TGS1: variants seen among roughly 807,000 people sequenced by gnomAD.
The protein encoded by TGS1 is trimethylguanosine synthase 1.
A neutral mutation model predicts 92.2 loss-of-function variants in TGS1; 69 were observed. That is an observed-to-expected ratio of 0.75 (90% confidence interval 0.62 to 0.91). The LOEUF (loss-of-function observed/expected upper bound fraction) is 0.91, where lower values mean the gene tolerates loss of function less well. Among genes scored for constraint, TGS1 ranks in the 40% least tolerant of loss-of-function variants. TGS1 has a pLI of 0.00. For missense variants in TGS1, 1,062 were observed against 1,001.2 expected (o/e 1.06, Z -0.82); for synonymous variants, 345 against 338.1 (o/e 1.02, Z -0.22).
chr8:55,804,058 A>C (rs972378949), intron 9 of TGS1, among the ~76,000 whole-genome samples: 1 of 152,182 alleles, frequency 6.6e-6, no homozygotes, highest in Non-Finnish European at 1.5e-5. Flanking sequence ...CATTTCTGAC[A>C]ATGATGAGGG....
intron 8 of TGS1, among the ~76,000 whole-genome samples, chr8:55,799,580 C>A (rs984142155): frequency 3.3e-5 from 5 of 152,060 alleles, no homozygotes; most frequent in Non-Finnish European, 5.9e-5. Flanking sequence ...TGGTTTACTT[C>A]TTCCTTTTTT....
chr8:55,790,337 G>T, intron 5 of TGS1, 38 bp downstream of exon 5: 1 of 1,386,604 alleles, frequency 7.2e-7, no homozygotes, highest in South Asian at 1.2e-5. Context: ...GAGCGTGTTA[G>T]AGTAAGCATT....
intron 1 of TGS1, among the ~76,000 whole-genome samples, chr8:55,781,286 C>G (rs1384920542): frequency 6.6e-6 from 1 of 152,112 alleles, no homozygotes; most frequent in Non-Finnish European, 1.5e-5. Context: ...CCTGAGGGTT[C>G]TTTCTAGCCT....
chr8:55,784,411 C>T (rs1406989624), intron 2 of TGS1, among the ~76,000 whole-genome samples: 1 of 152,082 alleles, frequency 6.6e-6, no homozygotes, highest in African/African-American at 2.4e-5. Flanking sequence ...GAGTGGTGAT[C>T]GCTTAAGCAT....
In TGS1 at chr8:55,785,346, G is replaced by A. The variant is rs563950745; in HGVS notation, c.167-373G>A. Among the ~76,000 whole-genome samples the A allele has an allele frequency of 3.2e-4, 49 of 152,204 alleles. 2 individuals carry two copies. In the South Asian group the frequency reaches 3.5e-3, roughly 11 times the overall value. ...GCTGGGATTACAGGTGTGAGCCACC[G>A]TGCCCAGCATACCGTCAATTGTTTT... On this transcript the variant is annotated intron_variant, in intron 2 of 12. Coordinates refer to ENST00000260129, the MANE Select transcript of TGS1 (RefSeq NM_024831.8).
chr8:55,790,995 T>G (rs973704961), intron 5 of TGS1, among the ~76,000 whole-genome samples: 3 of 150,836 alleles, frequency 2.0e-5, no homozygotes, highest in Non-Finnish European at 4.4e-5. Context: ...TCTCACCAGT[T>G]CTAATGTTTT....
rs376827151 is a variant in TGS1, at chr8:55,813,110, A to G, written c.2431A>G (p.Ile811Val). 1.2e-6 allele frequency: 2 copies of G among 1,607,486 alleles called. No homozygotes were observed. Among genetic ancestry groups the G allele is most frequent in the East Asian group, 2.2e-5 (1 of 44,716 alleles). The stretch of plus-strand genomic sequence containing the variant: ...TTATTTTCTTCCAAGAAATGCTGAT[A>G]TTGACCAGGTAAGCCATTACTGAAA... ...IVYFLPRNAD[I>V]DQVASLAGPG... The change falls in exon 12 of 13, where the codon ATT becomes GTT. Residue 811 changes from isoleucine to valine, a missense_variant. Transcript: ENST00000260129.
In TGS1 at chr8:55,824,734, G is replaced by C. The variant is rs370744617; in HGVS notation, c.*31G>C. The C allele has an allele frequency of 9.9e-6, 16 of 1,611,618 alleles. No homozygotes were observed. In the African/African-American group the frequency reaches 1.9e-4, roughly 19 times the overall value. ...CAGCAGTGCGAGGACAAAAGATCAT[G>C]GAGTGGTCAAAATATTCAGATGAGA... is the stretch of plus-strand genomic sequence containing the variant. On this transcript the variant is annotated 3_prime_UTR_variant, in exon 13 of 13. Coordinates refer to ENST00000260129, the MANE Select transcript of TGS1 (RefSeq NM_024831.8).
chr8:55,822,652 C>T (rs1803682061), intron 12 of TGS1, among the ~76,000 whole-genome samples: 1 of 150,108 alleles, frequency 6.7e-6, no homozygotes, highest in South Asian at 2.1e-4. Flanking sequence ...TCTGAGACTA[C>T]TTTGCTATTT....
rs144214161 is a variant in TGS1, at chr8:55,777,700, C to T, written c.101+3981C>T. ...GATTACAGGAGTGCACCACCATACC[C>T]GGCTAATTTCTGTATTTTCAGTAGA... On this transcript the variant is annotated intron_variant, in intron 1 of 12. Transcript: ENST00000260129. Among the ~76,000 whole-genome samples, 442 of 151,996 alleles carry T rather than the reference C, an allele frequency of 2.9e-3. 3 individuals carry two copies. Among genetic ancestry groups the T allele is most frequent in the African/African-American group, 0.01 (426 of 41,460 alleles).
intron 10 of TGS1, among the ~76,000 whole-genome samples, chr8:55,810,589 A>C (rs1316528869): frequency 6.6e-6 from 1 of 152,236 alleles, no homozygotes; most frequent in African/African-American, 2.4e-5. Flanking sequence ...CATATTTGGC[A>C]CTCAGTAGAT....
chr8:55,813,498 T>G (rs1318808441), intron 12 of TGS1, among the ~76,000 whole-genome samples: 1 of 152,226 alleles, frequency 6.6e-6, no homozygotes, highest in Non-Finnish European at 1.5e-5. Flanking sequence ...TTTCATGTTT[T>G]TGTTGATTTT....
intron 12 of TGS1, 120 bp downstream of exon 12, chr8:55,813,238 T>A (rs2130235538): frequency 1.5e-6 from 1 of 677,970 alleles, no homozygotes; most frequent in East Asian, 2.8e-5. Flanking sequence ...ACTCACTGAC[T>A]ATTCTTAGAA....
intron 2 of TGS1, among the ~76,000 whole-genome samples, chr8:55,784,673 C>G (rs549426272): frequency 6.6e-6 from 1 of 152,170 alleles, no homozygotes; most frequent in South Asian, 2.1e-4. Context: ...CACAGAATCC[C>G]GGAACCTAAA....
intron 12 of TGS1, among the ~76,000 whole-genome samples, chr8:55,820,806 G>T (rs1245694215): frequency 6.6e-6 from 1 of 152,154 alleles, no homozygotes; most frequent in Non-Finnish European, 1.5e-5. Context: ...ATCCAGAGCT[G>T]CTAATCTTTA....
chr8:55,787,598 A>C (rs1227735470), intron 4 of TGS1, among the ~76,000 whole-genome samples: 1 of 152,240 alleles, frequency 6.6e-6, no homozygotes, highest in Non-Finnish European at 1.5e-5. Context: ...TAACTGATCC[A>C]AAAAAAGCTA....
At chr8:55,804,792 G>GTTTCC in intron 9 of TGS1, 101 bp from the exon 10 acceptor site, 1 of 1,007,254 alleles carries the variant, frequency 9.9e-7, no homozygotes, top group Non-Finnish European at 1.4e-6. Context: ...GGGAAACTAA[G>GTTTCC]CTTTTTAAAA....
At position 55,773,558 on chromosome 8, in the gene TGS1, G is replaced by C. The variant is rs1811277455; in HGVS notation, c.-61G>C. 1 of 1,348,576 alleles carries C rather than the reference G, an allele frequency of 7.4e-7. No homozygotes were observed. Among genetic ancestry groups the C allele is most frequent in the Admixed American group, 1.9e-5 (1 of 52,074 alleles). 83.5% of individuals were successfully genotyped at this position (1,348,576 alleles called of 1,614,324 possible). A position where few individuals can be genotyped will look rare whatever the true frequency, so the allele number is the denominator to read the frequency against. ...CCTGTTTTAAGTCTCCAGTAACCGAGCGGAGGCCCGGCAGGCGCGACCCGG... is the reference window on the plus strand; with the variant it reads ...CCTGTTTTAAGTCTCCAGTAACCGACCGGAGGCCCGGCAGGCGCGACCCGG... On this transcript the variant is annotated 5_prime_UTR_variant, in exon 1 of 13. Transcript: ENST00000260129.
intron 5 of TGS1, among the ~76,000 whole-genome samples, chr8:55,791,664 T>C (rs898252392): frequency 6.6e-6 from 1 of 152,236 alleles, no homozygotes; most frequent in Non-Finnish European, 1.5e-5. Flanking sequence ...AGTGAAACTC[T>C]AACCTTTTCC....
Sources: allele counts gnomAD v4.1 joint callset (sites outside exome capture counted in the v4.1 genomes callset), GRCh38; gene constraint gnomAD v4.1.1; transcripts MANE v1.5; gene names NCBI Gene and HGNC (gene_info 2026-07-23, HGNC 2026-07-21).